Variants in CCDC60 observed in about 807,000 individuals in gnomAD.
The protein encoded by CCDC60 is coiled-coil domain-containing protein 60.
CCDC60 carries 54 observed loss-of-function variants against 63.5 expected under a neutral mutation model. The ratio of observed to expected loss-of-function variants is 0.85; its 90% CI spans 0.68 to 1.07. The LOEUF is 1.07. Among genes scored for constraint, CCDC60 ranks in the 50% least tolerant of loss-of-function variants. CCDC60 has a pLI of 0.00. For missense variants in CCDC60, 651 were observed against 684.3 expected (o/e 0.95, Z 0.54); for synonymous variants, 206 against 238.8 (o/e 0.86, Z 1.27).
chr12:119,355,615 T>TA (rs137968064), intron 1 of CCDC60, among the ~76,000 whole-genome samples: 3,330 of 152,332 alleles, frequency 0.022, 118 homozygotes, highest in African/African-American at 0.076. Flanking sequence ...GTCAAGCTGG[T>TA]AATGTTAGAC....
chr12:119,351,005 G>A (rs951127638), intron 1 of CCDC60, among the ~76,000 whole-genome samples: 7 of 152,164 alleles, frequency 4.6e-5, no homozygotes, highest in Admixed American at 6.5e-5. Flanking sequence ...GCCTGCGTCT[G>A]TTCTCTGGAT....
At chr12:119,387,784 T>C (rs898416258) in intron 1 of CCDC60, among the ~76,000 whole-genome samples, 16 of 152,212 alleles carry the variant, frequency 1.1e-4, no homozygotes, top group Admixed American at 8.5e-4. Flanking sequence ...TCAAATTCCA[T>C]AGTGTTACTG....
At chr12:119,504,012 TC>T (rs377300758) in intron 6 of CCDC60, among the ~76,000 whole-genome samples, 17 of 152,330 alleles carry the variant, frequency 1.1e-4, no homozygotes, top group Non-Finnish European at 1.6e-4. Flanking sequence ...TGTGTTGAGC[TC>T]TTTCTCTGGG....
chr12:119,466,651 A>C (rs1445484046), intron 2 of CCDC60, among the ~76,000 whole-genome samples: 1 of 152,122 alleles, frequency 6.6e-6, no homozygotes, highest in Non-Finnish European at 1.5e-5. Flanking sequence ...ATCATCTCCA[A>C]ATGTGGAACC....
rs556783132 is a variant in CCDC60, at chr12:119,418,386, C to CTTTTTTTTTTTT, written c.91-10262_91-10251dup. 4.7e-4 allele frequency among the ~76,000 whole-genome samples: 31 copies of CTTTTTTTTTTTT among 65,756 alleles called. 3 individuals carry two copies. The highest frequency in any genetic ancestry group is 1.5e-3 in the East Asian group (2 of 1,374). The allele number at this position is 65,756 out of a possible 152,430, so 43.1% of individuals were successfully genotyped here. On this transcript the variant is annotated intron_variant, in intron 1 of 13. Coordinates refer to ENST00000327554, the MANE Select transcript of CCDC60 (RefSeq NM_178499.5). ...TCTTTCTTTTTCCTTTTCTTTCTTTCTTTTTTTTTTTTTTTTTTTTTTTTT... is the reference window on the plus strand; with the variant it reads ...TCTTTCTTTTTCCTTTTCTTTCTTTCTTTTTTTTTTTTTTTTTTTTTTTTTTTTTTTTTTTTT...
intron 13 of CCDC60, among the ~76,000 whole-genome samples, chr12:119,539,168 G>A (rs1048202973): frequency 1.3e-5 from 2 of 152,220 alleles, no homozygotes; most frequent in East Asian, 1.9e-4. Flanking sequence ...GAGACATGGC[G>A]GTCAGGGACC....
chr12:119,383,553 G>C (rs144439422), intron 1 of CCDC60, among the ~76,000 whole-genome samples: 1 of 152,322 alleles, frequency 6.6e-6, no homozygotes, highest in East Asian at 1.9e-4. Context: ...AGCTATGATG[G>C]GCTGTGTGCG....
rs1464093689 is a variant in CCDC60, at chr12:119,441,105, T to G, written c.170+12343T>G. ...AGAGCTCAGCACCAGGTCCAGTGTA[T>G]TCACCAGATACCCCATATTCTGAAA... On this transcript the variant is annotated intron_variant, in intron 2 of 13. Transcript: ENST00000327554. 3.9e-5 allele frequency among the ~76,000 whole-genome samples: 6 copies of G among 152,310 alleles called. No individual in the cohort carries two copies. In the South Asian group the frequency reaches 8.3e-4, roughly 21 times the overall value.
At chr12:119,397,366 T>C (rs1272959503) in intron 1 of CCDC60, among the ~76,000 whole-genome samples, 1 of 152,170 alleles carries the variant, frequency 6.6e-6, no homozygotes, top group East Asian at 1.9e-4. Context: ...AGAGAGCTGA[T>C]TGGTCCGTTT....
intron 6 of CCDC60, 66 bp downstream of exon 6, chr12:119,500,234 T>G (rs1257016653): frequency 1.8e-6 from 2 of 1,105,546 alleles, no homozygotes; most frequent in Non-Finnish European, 2.7e-6. Flanking sequence ...GGAGTATTTT[T>G]GCCAGTCTTT....
intron 1 of CCDC60, among the ~76,000 whole-genome samples, chr12:119,374,847 C>T (rs913669533): frequency 1.3e-5 from 2 of 152,112 alleles, no homozygotes; most frequent in African/African-American, 4.8e-5. Context: ...CTGGTTGTTG[C>T]CTTGGCATTT....
chr12:119,482,723 C>T (rs1951354481), intron 4 of CCDC60, among the ~76,000 whole-genome samples: 2 of 152,028 alleles, frequency 1.3e-5, no homozygotes, highest in Admixed American at 6.6e-5. Context: ...TAGTATTGCT[C>T]CTAAGTCTAC....
chr12:119,481,052 C>CCACCATCATCATCAT (rs1286585104), intron 4 of CCDC60, among the ~76,000 whole-genome samples: 1 of 150,094 alleles, frequency 6.7e-6, no homozygotes, highest in Non-Finnish European at 1.5e-5. Context: ...ATCATCCTCA[C>CCACCATCATCATCAT]CACCATCATC....
intron 7 of CCDC60, among the ~76,000 whole-genome samples, chr12:119,508,479 CAA>C (rs536569469): frequency 2.2e-5 from 3 of 136,286 alleles, no homozygotes; most frequent in East Asian, 2.1e-4. Context: ...GACTCTGTCT[CAA>C]AAAAAAAAAA....
intron 1 of CCDC60, among the ~76,000 whole-genome samples, chr12:119,369,249 C>G (rs188613868): frequency 2.0e-3 from 299 of 152,226 alleles, no homozygotes; most frequent in African/African-American, 6.7e-3. Context: ...GAAAGACGCT[C>G]GCAATGTAGG....
Position 119,540,605 on chromosome 12 carries a change from G to C in CCDC60, c.1552-9G>C, listed in dbSNP as rs1388761780. On this transcript the variant is annotated splice_polypyrimidine_tract_variant and intron_variant, in intron 13 of 13. Coordinates refer to ENST00000327554, the MANE Select transcript of CCDC60 (RefSeq NM_178499.5). ...AAATTCTGAGATTGCCACTATGTCT[G>C]CCTCACAGTTTGTGCGAGAACACAT... 7.5e-6 allele frequency: 12 copies of C among 1,600,112 alleles called. No homozygotes were observed. The South Asian group carries it at 1.1e-4, about 15-fold the overall frequency.
At chr12:119,488,306 C>G (rs1035488526) in intron 4 of CCDC60, among the ~76,000 whole-genome samples, 2 of 152,150 alleles carry the variant, frequency 1.3e-5, no homozygotes, top group Non-Finnish European at 2.9e-5. Context: ...TTTTTACACA[C>G]TCTTAGTTTA....
intron 1 of CCDC60, among the ~76,000 whole-genome samples, chr12:119,352,072 T>A (rs568501450): frequency 5.9e-5 from 9 of 152,208 alleles, no homozygotes; most frequent in Non-Finnish European, 1.0e-4. Context: ...AAACTTACAA[T>A]CATGGCAAAA....
At position 119,500,132 on chromosome 12, in the gene CCDC60, G is replaced by A. The variant is rs1951813119; in HGVS notation, c.612G>A (p.Met204Ile). 6.2e-7 allele frequency: 1 copy of A among 1,611,320 alleles called. No individual in the cohort carries two copies. The change falls in exon 6 of 14, where the codon ATG becomes ATA. Residue 204 changes from methionine to isoleucine, a missense_variant. Coordinates refer to ENST00000327554, the MANE Select transcript of CCDC60 (RefSeq NM_178499.5). ...AAAAAATCAATAAGGACAAGTCCATGGGACAGAAATGGGAGCATTTCATCA... is the reference window on the plus strand; with the variant it reads ...AAAAAATCAATAAGGACAAGTCCATAGGACAGAAATGGGAGCATTTCATCA... ...TIKKINKDKS[M>I]GQKWEHFITA...
Sources: allele counts gnomAD v4.1 joint callset (sites outside exome capture counted in the v4.1 genomes callset), GRCh38; gene constraint gnomAD v4.1.1; transcripts MANE v1.5; gene names NCBI Gene and HGNC (gene_info 2026-07-23, HGNC 2026-07-21).